The following ZRANB1 variants were observed in gnomAD, a reference collection of about 807,000 sequenced individuals.
ZRANB1 encodes the protein zinc finger RANBP2-type containing 1, also known as ubiquitin thioesterase ZRANB1.
ZRANB1 carries 16 observed loss-of-function variants against 80.5 expected under a neutral mutation model. The ratio of observed to expected loss-of-function variants is 0.20; its 90% CI spans 0.13 to 0.30. ZRANB1 has a LOEUF of 0.30. Ranked by LOEUF, ZRANB1 falls within the 10% of genes least tolerant of loss-of-function variation. The pLI is 1.00. For missense variants in ZRANB1, 576 were observed against 862.6 expected (o/e 0.67, Z 4.16); for synonymous variants, 291 against 293.1 (o/e 0.99, Z 0.07).
intron 2 of ZRANB1, 63 bp from the exon 3 acceptor site, chr10:124,971,902 C>A: frequency 7.0e-7 from 1 of 1,425,880 alleles, no homozygotes; most frequent in Admixed American, 2.6e-5. Context: ...CTTTTAAATA[C>A]TGTTGTTTTC....
At position 124,966,607 on chromosome 10, in the gene ZRANB1, T is replaced by C; in HGVS notation, c.828T>C (p.Gly276=). The C allele has an allele frequency of 6.2e-7, 1 of 1,613,076 alleles. No homozygotes were observed. The highest frequency in any genetic ancestry group is 8.5e-7 in the Non-Finnish European group (1 of 1,179,272). ...FLNACVGVVE[G]DLAAIEAYKS... ...TGCTTGTTTTAGGGGTTGTAGAAGGTGATTTAGCTGCCATAGAAGCATACA... is the reference window on the plus strand; with the variant it reads ...TGCTTGTTTTAGGGGTTGTAGAAGGCGATTTAGCTGCCATAGAAGCATACA... The change falls in exon 2 of 9, where the codon GGT becomes GGC. Residue 276 remains glycine (G), a synonymous_variant. Coordinates refer to ENST00000359653, the MANE Select transcript of ZRANB1 (RefSeq NM_017580.3).
At position 124,986,512 on chromosome 10, in the gene ZRANB1, T is replaced by C. The variant is rs1329416498; in HGVS notation, c.*1520T>C. On this transcript the variant is annotated 3_prime_UTR_variant, in exon 9 of 9. Coordinates refer to ENST00000359653, the MANE Select transcript of ZRANB1 (RefSeq NM_017580.3). ...CCCCCGAAAACTCAGTAAAAAGGTGTTCCCAGGATGAAAAGATCATTTTTT... is the reference window on the plus strand; with the variant it reads ...CCCCCGAAAACTCAGTAAAAAGGTGCTCCCAGGATGAAAAGATCATTTTTT... 1 of 152,216 alleles carries C rather than the reference T, an allele frequency of 6.6e-6. No individual in the cohort carries two copies. The highest frequency in any genetic ancestry group is 2.4e-5 in the African/African-American group (1 of 41,450). 9.4% of individuals were successfully genotyped at this position (152,216 alleles called of 1,614,324 possible).
chr10:124,982,768 T>G (rs1951950210), intron 6 of ZRANB1, among the ~76,000 whole-genome samples: 1 of 152,198 alleles, frequency 6.6e-6, no homozygotes. Flanking sequence ...TACTGCCATT[T>G]ACATTTGCAT....
At chr10:124,967,841 A>G (rs146052076) in intron 2 of ZRANB1, among the ~76,000 whole-genome samples, 143 of 152,252 alleles carry the variant, frequency 9.4e-4, no homozygotes, top group African/African-American at 3.1e-3. Context: ...CATGCTACCA[A>G]TGATAGAGAT....
chr10:124,929,186 C>G, the ZRANB1 span, among the ~76,000 whole-genome samples: 1 of 152,030 alleles, frequency 6.6e-6, no homozygotes, highest in Admixed American at 6.6e-5. Flanking sequence ...TGGTAGCTAG[C>G]TAATCTGTTT....
rs151170984 is a variant in ZRANB1, at chr10:124,942,993, A to C, written c.500A>C (p.Lys167Thr). The change falls in exon 1 of 9, where the codon AAA becomes ACA. Residue 167 changes from lysine (K) to threonine (T), a missense_variant. Lys to Thr is a moderately conservative substitution (Grantham distance 78). Around this residue, in one of 3 missense-constraint regions of ZRANB1, gnomAD observed 411 missense variants for 583.1 expected, o/e 0.70. Transcript: ENST00000359653. Reference protein sequence around the residue: ...VCTYENWAKAKRCVVCDHPRP... With the variant: ...VCTYENWAKATRCVVCDHPRP... ...ACATATGAAAACTGGGCCAAGGCTA[A>C]AAGATGTGTTGTTTGTGATCATCCC... 1,261 of 1,614,102 alleles carry C rather than the reference A, an allele frequency of 7.8e-4. No homozygotes were observed. Among genetic ancestry groups the C allele is most frequent in the Non-Finnish European group, 1.0e-3 (1,215 of 1,180,038 alleles).
intron 1 of ZRANB1, among the ~76,000 whole-genome samples, chr10:124,953,085 T>C (rs1951655667): frequency 8.2e-6 from 1 of 121,994 alleles, no homozygotes; most frequent in African/African-American, 2.9e-5. Context: ...CCACTGTGCC[T>C]GGCTAATTTT....
At chr10:124,979,577 GA>G (rs539633022) in intron 5 of ZRANB1, among the ~76,000 whole-genome samples, 190 of 152,228 alleles carry the variant, frequency 1.2e-3, no homozygotes, top group African/African-American at 4.3e-3. Context: ...TGTTGTATCT[GA>G]AGAGATTTTT....
At chr10:124,979,189 G>A (rs1485017899) in intron 5 of ZRANB1, among the ~76,000 whole-genome samples, 2 of 152,138 alleles carry the variant, frequency 1.3e-5, no homozygotes, top group Non-Finnish European at 2.9e-5. Context: ...TTGAACTCCT[G>A]GGCTCAGGTG....
the ZRANB1 span, among the ~76,000 whole-genome samples, chr10:124,924,245 T>C: frequency 6.6e-6 from 1 of 151,914 alleles, no homozygotes. Context: ...ATAAAAAATA[T>C]TTGAATGCGT....
At chr10:124,976,259 C>T (rs1426539449) in intron 5 of ZRANB1, among the ~76,000 whole-genome samples, 2 of 152,182 alleles carry the variant, frequency 1.3e-5, no homozygotes, top group Admixed American at 6.5e-5. Flanking sequence ...AGTGCTCTGC[C>T]GGTCTGGCCC....
At chr10:124,939,041 G>A (rs1235407352), upstream of ZRANB1, among the ~76,000 whole-genome samples, 5 of 152,210 alleles carry the variant, frequency 3.3e-5, no homozygotes, top group East Asian at 9.7e-4. Flanking sequence ...GCTGGGCATG[G>A]TGGGATGCGC....
the ZRANB1 span, among the ~76,000 whole-genome samples, chr10:124,922,363 G>A: frequency 7.2e-6 from 1 of 139,046 alleles, no homozygotes; most frequent in Non-Finnish European, 1.5e-5. Flanking sequence ...GTCTCACTGT[G>A]TTGCCCAGGC....
chr10:124,968,569 G>A (rs911852581), intron 2 of ZRANB1, among the ~76,000 whole-genome samples: 1 of 152,204 alleles, frequency 6.6e-6, no homozygotes. Context: ...AGAAGAATTG[G>A]AGTTTTTCTA....
intron 1 of ZRANB1, among the ~76,000 whole-genome samples, chr10:124,948,028 A>G (rs2134249715): frequency 6.6e-6 from 1 of 152,126 alleles, no homozygotes; most frequent in Non-Finnish European, 1.5e-5. Flanking sequence ...TATACTTTTG[A>G]CCCTTGAATA....
chr10:124,950,213 C>T (rs1951625656), intron 1 of ZRANB1, among the ~76,000 whole-genome samples: 1 of 152,112 alleles, frequency 6.6e-6, no homozygotes, highest in African/African-American at 2.4e-5. Flanking sequence ...CAATCTCTGC[C>T]TCCTGGGCTC....
intron 5 of ZRANB1, among the ~76,000 whole-genome samples, chr10:124,978,445 T>G (rs565696067): frequency 6.6e-6 from 1 of 152,290 alleles, no homozygotes; most frequent in East Asian, 1.9e-4. Flanking sequence ...GATAGGCTAT[T>G]TGTGTTTGTA....
At chr10:124,933,028 A>AT in the ZRANB1 span, among the ~76,000 whole-genome samples, 19 of 150,964 alleles carry the variant, frequency 1.3e-4, no homozygotes, top group East Asian at 2.7e-3. Context: ...TCTTTTGCAA[A>AT]TTTTTTTTCT....
Position 124,987,480 on chromosome 10 carries a change from C to G in ZRANB1, c.*2488C>G, listed in dbSNP as rs1952083890. The stretch of plus-strand genomic sequence containing the variant: ...TTTGACTCTTAGGTTCATCGTGTCC[C>G]AGACTTCTTCACATATTCGTGAAGG... On this transcript the variant is annotated 3_prime_UTR_variant, in exon 9 of 9. Transcript: ENST00000359653. 6.6e-6 allele frequency: 1 copy of G among 152,150 alleles called. No individual in the cohort carries two copies. The highest frequency in any genetic ancestry group is 6.5e-5 in the Admixed American group (1 of 15,276). The allele number at this position is 152,150 out of a possible 1,614,324, so 9.4% of individuals were successfully genotyped here. A position where few individuals can be genotyped will look rare whatever the true frequency, so the allele number is the denominator to read the frequency against.
Sources: gnomAD v4.1 joint callset for allele counts (sites outside exome capture counted in the v4.1 genomes callset) on GRCh38, gnomAD v4.1.1 for gene constraint, gnomAD v4.1.1 regional missense constraint, MANE v1.5 for transcripts, NCBI Gene and HGNC (gene_info 2026-07-23, HGNC 2026-07-21) for gene names.